The following PDE12 variants were observed in gnomAD, a reference collection of about 807,000 sequenced individuals.
PDE12 encodes the protein phosphodiesterase 12.
In PDE12, 26 loss-of-function variants were observed where a neutral mutation model predicts 45.4. The observed-to-expected ratio is 0.57, with a 90% confidence interval of 0.42 to 0.79. PDE12 has a LOEUF of 0.79. Ranked by LOEUF, PDE12 falls within the 30% of genes least tolerant of loss-of-function variation. The probability of loss-of-function intolerance (pLI) is 0.00; values close to 1 mark genes in which losing one functional copy is unlikely to be tolerated. For synonymous variants in PDE12, 283 were observed against 323.9 expected (o/e 0.87, Z 1.36); for missense variants, 668 against 790.0 (o/e 0.85, Z 1.85).
Position 57,564,290 on chromosome 3 carries a change from A to C in PDE12, c.*4286A>C, listed in dbSNP as rs757019855. On this transcript the variant is annotated 3_prime_UTR_variant, in exon 3 of 3. Transcript: ENST00000311180. ...TTAAATATAGTAAATCTGTTCACCT[A>C]TCTGCTATGCTAGCAAATTCTGGGT... is the stretch of plus-strand genomic sequence containing the variant. 5.9e-5 allele frequency: 9 copies of C among 152,310 alleles called. No homozygotes were observed. Among genetic ancestry groups the C allele is most frequent in the African/African-American group, 2.2e-4 (9 of 41,582 alleles). The allele number at this position is 152,310 out of a possible 1,614,324, so 9.4% of individuals were successfully genotyped here.
In PDE12 at chr3:57,560,886, T is replaced by A; in HGVS notation, c.*882T>A. On this transcript the variant is annotated 3_prime_UTR_variant, in exon 3 of 3. Coordinates refer to ENST00000311180, the MANE Select transcript of PDE12 (RefSeq NM_177966.7). ...TACCTCAATTTAGTTAGCGATTTAC[T>A]ACAATTTCAGAGCTTTAACAAAAGA... 1 of 985,338 alleles carries A rather than the reference T, an allele frequency of 1.0e-6. No homozygotes were observed. The highest frequency in any genetic ancestry group is 1.7e-5 in the African/African-American group (1 of 57,356). 61.0% of individuals were successfully genotyped at this position (985,338 alleles called of 1,614,324 possible).
At chr3:57,583,689 C>T in the PDE12 span, among the ~76,000 whole-genome samples, 1 of 152,122 alleles carries the variant, frequency 6.6e-6, no homozygotes, top group South Asian at 2.1e-4. Context: ...CTTCCAAACA[C>T]TTACCGCAAT....
the PDE12 span, chr3:57,625,504 GC>G: frequency 5.2e-5 from 8 of 152,524 alleles, no homozygotes; most frequent in East Asian, 1.5e-3. Flanking sequence ...GACCATAAAT[GC>G]CTTCACAAAA....
In PDE12 at chr3:57,560,846, A is replaced by G. The variant is rs943753244; in HGVS notation, c.*842A>G. On this transcript the variant is annotated 3_prime_UTR_variant, in exon 3 of 3. Coordinates refer to ENST00000311180, the MANE Select transcript of PDE12 (RefSeq NM_177966.7). ...AGACTTGACACATGGAAGGAGTAAC[A>G]TTAGGGTCTACCTCTACCTCAATTT... 4.1e-6 allele frequency: 4 copies of G among 985,272 alleles called. No homozygotes were observed. Among genetic ancestry groups the G allele is most frequent in the African/African-American group, 3.5e-5 (2 of 57,224 alleles). The allele number at this position is 985,272 out of a possible 1,614,324, so 61.0% of individuals were successfully genotyped here. A position where few individuals can be genotyped will look rare whatever the true frequency, so the allele number is the denominator to read the frequency against.
the PDE12 span, among the ~76,000 whole-genome samples, chr3:57,604,620 G>C: frequency 2.7e-5 from 1 of 37,008 alleles, no homozygotes; most frequent in Non-Finnish European, 6.7e-5. Flanking sequence ...TTTTTTTTGG[G>C]GGGGGTGGGT....
chr3:57,630,719 A>G, the PDE12 span: 1 of 1,611,846 alleles, frequency 6.2e-7, no homozygotes, highest in Admixed American at 1.7e-5. Flanking sequence ...ACTAACCGGT[A>G]AAGTCCAATC....
chr3:57,595,539 G>GT, the PDE12 span, among the ~76,000 whole-genome samples: 29 of 152,210 alleles, frequency 1.9e-4, no homozygotes, highest in Admixed American at 5.9e-4. Flanking sequence ...TTCACAAAGT[G>GT]TAAGTACGCT....
At chr3:57,609,617 TAAACTA>T in the PDE12 span, among the ~76,000 whole-genome samples, 1 of 151,918 alleles carries the variant, frequency 6.6e-6, no homozygotes, top group Non-Finnish European at 1.5e-5. Context: ...TTTATGAAAA[TAAACTA>T]GAAAATCTAG....
At chr3:57,650,024 A>G in the PDE12 span, among the ~76,000 whole-genome samples, 1 of 152,048 alleles carries the variant, frequency 6.6e-6, no homozygotes, top group Non-Finnish European at 1.5e-5. Flanking sequence ...CCATTATTCT[A>G]AAGTAACTTA....
the PDE12 span, chr3:57,633,461 T>A: frequency 1.1e-6 from 1 of 904,612 alleles, no homozygotes; most frequent in South Asian, 1.6e-5. Context: ...ACTTGATATT[T>A]AAAAAACTAG....
At chr3:57,583,792 C>T in the PDE12 span, 1 of 789,596 alleles carries the variant, frequency 1.3e-6, no homozygotes, top group Non-Finnish European at 2.1e-6. Context: ...AGACAAATGC[C>T]AACTCATAGT....
At chr3:57,631,923 C>T in the PDE12 span, among the ~76,000 whole-genome samples, 13 of 150,160 alleles carry the variant, frequency 8.7e-5, no homozygotes, top group Admixed American at 4.0e-4. Context: ...GGGGTTTCAC[C>T]GTGTTAGCCA....
the PDE12 span, among the ~76,000 whole-genome samples, chr3:57,650,257 C>G: frequency 1.3e-5 from 2 of 151,300 alleles, no homozygotes; most frequent in East Asian, 3.9e-4. Flanking sequence ...ATTCATGCAA[C>G]CAAACACCAC....
At chr3:57,579,577 C>T in the PDE12 span, among the ~76,000 whole-genome samples, 9 of 152,144 alleles carry the variant, frequency 5.9e-5, no homozygotes, top group South Asian at 2.1e-4. Flanking sequence ...TGTGAGCCAC[C>T]GCGCCCAGCC....
At chr3:57,644,415 C>T in the PDE12 span, among the ~76,000 whole-genome samples, 16 of 151,748 alleles carry the variant, frequency 1.1e-4, no homozygotes, top group South Asian at 2.1e-4. Flanking sequence ...AAGCCATCCT[C>T]CCACCTCAGC....
chr3:57,611,433 T>A, the PDE12 span, among the ~76,000 whole-genome samples: 25 of 152,006 alleles, frequency 1.6e-4, no homozygotes, highest in African/African-American at 5.3e-4. Context: ...AACTACCATC[T>A]GAGTGAACAG....
chr3:57,648,907 A>T, the PDE12 span, among the ~76,000 whole-genome samples: 191 of 152,340 alleles, frequency 1.3e-3, no homozygotes, highest in African/African-American at 3.9e-3. Context: ...CTGAAATCAT[A>T]AAATTTCTAG....
At chr3:57,618,555 G>C in the PDE12 span, among the ~76,000 whole-genome samples, 1 of 150,140 alleles carries the variant, frequency 6.7e-6, no homozygotes, top group Admixed American at 6.7e-5. Context: ...CCAAGTAGCT[G>C]GGACTACAGG....
rs1461105762 is a variant in PDE12, at chr3:57,559,603, C to T, written c.1429C>T (p.His477Tyr). The T allele has an allele frequency of 2.5e-6, 4 of 1,611,780 alleles. No individual in the cohort carries two copies. The highest frequency in any genetic ancestry group is 1.7e-5 in the Admixed American group (1 of 59,956). ...RLIQMAVALA[H>Y]IRHVSCDLYP... ...CATTCAAATGGCAGTAGCCTTGGCT[C>T]ACATAAGACATGTTTCATGTGATCT... is the stretch of plus-strand genomic sequence containing the variant. Residue 477 changes from histidine to tyrosine, a missense_variant, in exon 3 of 3, where the codon CAC becomes TAC. Physicochemically the swap from His to Tyr is moderately conservative, Grantham distance 83. Transcript: ENST00000311180.
Sources: gnomAD v4.1 joint callset for allele counts (sites outside exome capture counted in the v4.1 genomes callset) on GRCh38, gnomAD v4.1.1 for gene constraint, MANE v1.5 for transcripts, NCBI Gene and HGNC (gene_info 2026-07-23, HGNC 2026-07-21) for gene names.